Variants in PHF24 observed in about 807,000 individuals in gnomAD.
PHF24 encodes the protein PHD finger protein 24, also known as Galpha inhibitory interacting protein.
PHF24 carries 25 observed loss-of-function variants against 42.6 expected under a neutral mutation model. The observed-to-expected ratio is 0.59, with a 90% CI of 0.43 to 0.82. PHF24 has a LOEUF of 0.82. Among genes scored for constraint, PHF24 ranks in the 40% least tolerant of loss-of-function variants. The probability of loss-of-function intolerance (pLI) is 0.00; values close to 1 mark genes in which losing one functional copy is unlikely to be tolerated. For missense variants in PHF24, 470 were observed against 538.1 expected (o/e 0.87, Z 1.25); for synonymous variants, 185 against 204.8 (o/e 0.90, Z 0.83).
the PHF24 span, among the ~76,000 whole-genome samples, chr9:34,788,745 G>A: frequency 6.6e-6 from 1 of 152,098 alleles, no homozygotes; most frequent in Non-Finnish European, 1.5e-5. Flanking sequence ...AGGAAAGGGA[G>A]GTCTAGAAAA....
Position 34,958,763 on chromosome 9 carries a change from G to C in PHF24, c.-5+362G>C, listed in dbSNP as rs922163613. The stretch of plus-strand genomic sequence containing the variant: ...AGCTGGCTCAATGGAAGACCACCTG[G>C]GAACATAGGGGAGCCGCAGGAACCT... On this transcript the variant is annotated intron_variant, in intron 1 of 7. Transcript: ENST00000242315. The surrounding 1 kb of genome is among the most constrained non-coding windows in gnomAD (Gnocchi z 4.5). Among the ~76,000 whole-genome samples the C allele has an allele frequency of 1.4e-4, 21 of 152,150 alleles. No individual in the cohort carries two copies. The highest frequency in any genetic ancestry group is 6.5e-5 in the Admixed American group (1 of 15,284).
chr9:34,975,249 C>T (rs1207247089), intron 3 of PHF24, among the ~76,000 whole-genome samples: 1 of 152,224 alleles, frequency 6.6e-6, no homozygotes, highest in East Asian at 1.9e-4. Flanking sequence ...CTCCAAACCT[C>T]AGCCACACTG....
the PHF24 span, among the ~76,000 whole-genome samples, chr9:34,813,556 G>A: frequency 6.6e-6 from 1 of 152,070 alleles, no homozygotes; most frequent in Non-Finnish European, 1.5e-5. Flanking sequence ...CAGATTGTTG[G>A]CAGAATTCAT....
the PHF24 span, chr9:34,724,771 C>A: frequency 3.9e-6 from 6 of 1,551,738 alleles, no homozygotes; most frequent in South Asian, 7.1e-5. Flanking sequence ...GAATCAGAGG[C>A]TCTGCTGGGA....
chr9:34,700,100 G>T, the PHF24 span, among the ~76,000 whole-genome samples: 2 of 152,160 alleles, frequency 1.3e-5, no homozygotes, highest in African/African-American at 4.8e-5. Context: ...AGTCAAGAGT[G>T]TATCTGAGGA....
the PHF24 span, among the ~76,000 whole-genome samples, chr9:34,864,753 C>T: frequency 2.6e-5 from 4 of 152,142 alleles, no homozygotes; most frequent in Non-Finnish European, 5.9e-5. Flanking sequence ...TATTACAACT[C>T]TGTAACTGTG....
chr9:34,937,860 CTAGATTAGTTTCCCTTTT>C, the PHF24 span, among the ~76,000 whole-genome samples: 2 of 152,254 alleles, frequency 1.3e-5, no homozygotes, highest in East Asian at 3.9e-4. Flanking sequence ...TCATGGTTCT[CTAGATTAGTTTCCCTTTT>C]GTTATCCTTT....
chr9:34,755,492 A>AT, the PHF24 span, among the ~76,000 whole-genome samples: 43 of 151,532 alleles, frequency 2.8e-4, 1 homozygote, highest in South Asian at 3.1e-3. Flanking sequence ...GATGTTGAGC[A>AT]TTTTTTTTGT....
At chr9:34,866,730 A>G in the PHF24 span, among the ~76,000 whole-genome samples, 3 of 152,142 alleles carry the variant, frequency 2.0e-5, no homozygotes, top group Admixed American at 6.5e-5. Context: ...GGGACTTGCT[A>G]TTGCTTTAGA....
At chr9:34,760,159 ATTC>A in the PHF24 span, among the ~76,000 whole-genome samples, 76 of 152,278 alleles carry the variant, frequency 5.0e-4, no homozygotes, top group Non-Finnish European at 9.4e-4. Context: ...ACTATCAAGG[ATTC>A]TTCTTCATTT....
At chr9:34,667,741 A>G in the PHF24 span, among the ~76,000 whole-genome samples, 35 of 152,292 alleles carry the variant, frequency 2.3e-4, no homozygotes, top group African/African-American at 7.9e-4. Flanking sequence ...AGTTTGTGCA[A>G]TCCATCCAGG....
chr9:34,816,102 A>AT, the PHF24 span, among the ~76,000 whole-genome samples: 2 of 150,750 alleles, frequency 1.3e-5, no homozygotes, highest in Non-Finnish European at 3.0e-5. Context: ...TTTTATTTTT[A>AT]TTTTTTTATT....
chr9:34,742,466 C>T, the PHF24 span, among the ~76,000 whole-genome samples: 1 of 152,228 alleles, frequency 6.6e-6, no homozygotes, highest in Non-Finnish European at 1.5e-5. Context: ...ACAGTACCAT[C>T]GCTGCAGGCC....
chr9:34,857,641 C>T, the PHF24 span, among the ~76,000 whole-genome samples: 5 of 152,308 alleles, frequency 3.3e-5, no homozygotes, highest in East Asian at 5.8e-4. Context: ...TAGTCAGTCC[C>T]AATGTGAAAA....
At chr9:34,738,169 C>T in the PHF24 span, among the ~76,000 whole-genome samples, 169 of 152,102 alleles carry the variant, frequency 1.1e-3, 7 homozygotes, top group South Asian at 0.033. Context: ...ATTATCTGAC[C>T]GCCACTGTGG....
At chr9:34,918,658 A>G in the PHF24 span, among the ~76,000 whole-genome samples, 1 of 152,166 alleles carries the variant, frequency 6.6e-6, no homozygotes, top group African/African-American at 2.4e-5. Context: ...TTAAATCTCA[A>G]TATTTCTAAT....
the PHF24 span, chr9:34,893,296 T>C: frequency 2.4e-6 from 1 of 410,014 alleles, no homozygotes; most frequent in South Asian, 1.2e-4. Flanking sequence ...CCTGTTTTTC[T>C]TCCTAAGAAA....
the PHF24 span, among the ~76,000 whole-genome samples, chr9:34,683,853 G>A: frequency 3.2e-4 from 48 of 152,294 alleles, no homozygotes; most frequent in Admixed American, 9.2e-4. Flanking sequence ...CCAGATCAGG[G>A]TCATCTAAAA....
At chr9:34,836,272 A>G in the PHF24 span, among the ~76,000 whole-genome samples, 1 of 152,188 alleles carries the variant, frequency 6.6e-6, no homozygotes, top group Admixed American at 6.5e-5. Context: ...CAGACAACCC[A>G]CAGAAGGGCA....
Sources: gnomAD v4.1 joint callset for allele counts (sites outside exome capture counted in the v4.1 genomes callset) on GRCh38, gnomAD v4.1.1 for gene constraint, Gnocchi (gnomAD v3.1) non-coding constraint, MANE v1.5 for transcripts, NCBI Gene and HGNC (gene_info 2026-07-23, HGNC 2026-07-21) for gene names.